The following HCN2 variants were observed in gnomAD, a reference collection of about 807,000 sequenced individuals.
HCN2 encodes the protein potassium/sodium hyperpolarization-activated cyclic nucleotide-gated channel 2.
A neutral mutation model predicts 52.3 loss-of-function variants in HCN2; 20 were observed. The observed-to-expected ratio is 0.38, with a 90% confidence interval of 0.27 to 0.56. The LOEUF is 0.56. Among genes scored for constraint, HCN2 ranks in the 20% least tolerant of loss-of-function variants. HCN2 has a pLI of 0.71. For missense variants in HCN2, 981 were observed against 1,207.7 expected (o/e 0.81, Z 2.78); for synonymous variants, 694 against 537.0 (o/e 1.29, Z -4.04).
Position 613,918 on chromosome 19 carries a change from A to T in HCN2, c.1892A>T (p.Tyr631Phe). ...SVRADTYCRL[Y>F]SLSVDNFNEV... ...CGGGCTGACACCTACTGCCGCCTCT[A>T]TTCGCTGAGCGTGGACAACTTCAAC... Residue 631 changes from tyrosine to phenylalanine, a missense_variant, in exon 7 of 8, where the codon TAT becomes TTT. Coordinates refer to ENST00000251287, the MANE Select transcript of HCN2 (RefSeq NM_001194.4). 1 of 1,581,310 alleles carries T rather than the reference A, an allele frequency of 6.3e-7. No individual in the cohort carries two copies. Among genetic ancestry groups the T allele is most frequent in the Non-Finnish European group, 8.6e-7 (1 of 1,162,916 alleles).
chr19:615,715 G>A (rs767043141), intron 7 of HCN2, 80 bp from the exon 8 acceptor site: 98 of 1,403,360 alleles, frequency 7.0e-5, no homozygotes, highest in Non-Finnish European at 9.1e-5. Context: ...GTGCGCACCC[G>A]CGGTGCAGAG....
At position 603,971 on chromosome 19, in the gene HCN2, A is replaced by T; in HGVS notation, c.1056+4A>T. On this transcript the variant is annotated splice_donor_region_variant and intron_variant, in intron 2 of 7. Coordinates refer to ENST00000251287, the MANE Select transcript of HCN2 (RefSeq NM_001194.4). Reference sequence around the variant, plus strand: ...CTACATCCATCAGTGGGAGGAGGTGAGGTGGGGCGGGGGCGGGGCCAAGGC... The same window carrying T: ...CTACATCCATCAGTGGGAGGAGGTGTGGTGGGGCGGGGGCGGGGCCAAGGC... The T allele has an allele frequency of 1.8e-4, 79 of 438,624 alleles. No homozygotes were observed. The highest frequency in any genetic ancestry group is 3.6e-4 in the East Asian group (4 of 11,098). The allele number at this position is 438,624 out of a possible 1,614,324, so 27.2% of individuals were successfully genotyped here.
In HCN2 at chr19:603,711, T is replaced by C; in HGVS notation, c.800T>C (p.Ile267Thr). 3 of 1,612,832 alleles carry C rather than the reference T, an allele frequency of 1.9e-6. No individual in the cohort carries two copies. Among genetic ancestry groups the C allele is most frequent in the Non-Finnish European group, 2.5e-6 (3 of 1,179,752 alleles). ...MDLVLNFRTG[I>T]VIEDNTEIIL... ...CTGGTGTTGAACTTCCGCACCGGCA[T>C]TGTGATCGAGGACAACACGGAGATC... The change falls in exon 2 of 8, where the codon ATT becomes ACT. Residue 267 changes from isoleucine (I) to threonine (T), a missense_variant. Around this residue, in one of 6 missense-constraint regions of HCN2, gnomAD observed 282 missense variants for 553.8 expected, o/e 0.51. Transcript: ENST00000251287.
intron 3 of HCN2, among the ~76,000 whole-genome samples, chr19:607,452 C>T (rs1983461252): frequency 6.6e-6 from 1 of 152,230 alleles, no homozygotes; most frequent in African/African-American, 2.4e-5. Context: ...GAGCCTGGCA[C>T]AGCTGCCCAG....
chr19:612,407 TGTGTGTGTGTGTGTGTGTGTGA>T lies in HCN2; in HGVS notation c.1585-839_1585-818del, dbSNP rs1471086133. 2.0e-4 allele frequency among the ~76,000 whole-genome samples: 24 copies of T among 122,142 alleles called. 2 individuals carry two copies. The South Asian group carries it at 6.7e-3, about 34-fold the overall frequency. The allele number at this position is 122,142 out of a possible 152,430, so 80.1% of individuals were successfully genotyped here. A position where few individuals can be genotyped will look rare whatever the true frequency, so the allele number is the denominator to read the frequency against. The stretch of plus-strand genomic sequence containing the variant: ...AGCTTTCCACTGGTGTGTGTGTGTG[TGTGTGTGTGTGTGTGTGTGTGA>T]GAGAGAGATGGAGTCTCGCTCTGTC... On this transcript the variant is annotated intron_variant, in intron 5 of 7. Transcript: ENST00000251287.
chr19:604,713 CA>C, intron 2 of HCN2, among the ~76,000 whole-genome samples: 1 of 60,574 alleles, frequency 1.7e-5, no homozygotes, highest in African/African-American at 7.3e-5. Flanking sequence ...TTTGCTGGGG[CA>C]GGGCCAGACA....
rs12974871 is a variant in HCN2, at chr19:605,377, A to T, written c.1218+155A>T. Among the ~76,000 whole-genome samples the T allele has an allele frequency of 0.29, 11,355 of 39,592 alleles. 694 individuals carry two copies. The highest frequency in any genetic ancestry group is 0.38 in the African/African-American group (2,339 of 6,194). 26.0% of individuals were successfully genotyped at this position (39,592 alleles called of 152,430 possible). A position where few individuals can be genotyped will look rare whatever the true frequency, so the allele number is the denominator to read the frequency against. ...TATGGAGGGGAGGACTCGGGCCCTTACAGAGGTGGGGACCCAGGCGCCCCC... is the reference window on the plus strand; with the variant it reads ...TATGGAGGGGAGGACTCGGGCCCTTTCAGAGGTGGGGACCCAGGCGCCCCC... On this transcript the variant is annotated intron_variant, in intron 3 of 7. Transcript: ENST00000251287.
chr19:606,478 G>A (rs1253300120), intron 3 of HCN2, among the ~76,000 whole-genome samples: 3 of 152,126 alleles, frequency 2.0e-5, no homozygotes, highest in Non-Finnish European at 4.4e-5. Context: ...CTGGGTCACA[G>A]AGCAAGACCT....
chr19:610,433 G>A, intron 5 of HCN2, 28 bp downstream of exon 5: 2 of 1,603,276 alleles, frequency 1.2e-6, no homozygotes, highest in Non-Finnish European at 1.7e-6. Flanking sequence ...CGGGCGGGAG[G>A]CAGCCTCCGG....
chr19:613,485 G>T lies in HCN2; in HGVS notation c.1822G>T (p.Gly608Trp). 6.2e-7 allele frequency: 1 copy of T among 1,606,782 alleles called. No individual in the cohort carries two copies. Among genetic ancestry groups the T allele is most frequent in the Non-Finnish European group, 8.5e-7 (1 of 1,176,806 alleles). ...EMKLSDGSYF[G>W]EICLLTRGRR... ...GAAGCTGTCCGATGGCTCCTACTTC[G>T]GGGGTGAGCTTGAGGGGGGCGCGCC... Residue 608 changes from glycine to tryptophan, a missense_variant, in exon 6 of 8, where the codon GGG (glycine) becomes TGG (tryptophan). Coordinates refer to ENST00000251287, the MANE Select transcript of HCN2 (RefSeq NM_001194.4).
At position 601,291 on chromosome 19, in the gene HCN2, C is replaced by T. The variant is rs920939013; in HGVS notation, c.633-2253C>T. On this transcript the variant is annotated intron_variant, in intron 1 of 7. Transcript: ENST00000251287. ...TGGTGCCACTGCACTCCAGCCTGGG[C>T]GACAGGGTGAGACTCCGTCTCGGAA... 3.3e-5 allele frequency among the ~76,000 whole-genome samples: 5 copies of T among 152,034 alleles called. No homozygotes were observed. The South Asian group carries it at 6.2e-4, about 19-fold the overall frequency.
intron 1 of HCN2, among the ~76,000 whole-genome samples, chr19:598,706 G>A (rs948844352): frequency 4.6e-5 from 7 of 151,912 alleles, no homozygotes; most frequent in African/African-American, 9.7e-5. Context: ...GGTTCATGCC[G>A]TTCTCCTGCC....
At position 590,000 on chromosome 19, in the gene HCN2, G is replaced by A. The variant is rs1322574294; in HGVS notation, c.55G>A (p.Ala19Thr). The A allele has an allele frequency of 2.0e-5, 14 of 696,524 alleles. No individual in the cohort carries two copies. The highest frequency in any genetic ancestry group is 2.4e-5 in the Non-Finnish European group (14 of 582,440). 43.1% of individuals were successfully genotyped at this position (696,524 alleles called of 1,614,324 possible). A position where few individuals can be genotyped will look rare whatever the true frequency, so the allele number is the denominator to read the frequency against. The change falls in exon 1 of 8, where the codon GCG (alanine) becomes ACG (threonine). Residue 19 changes from alanine to threonine, a missense_variant. Physicochemically the swap from Ala to Thr is moderately conservative, Grantham distance 58 (BLOSUM62 0). Around this residue, in one of 6 missense-constraint regions of HCN2, gnomAD observed 215 missense variants for 179.4 expected, o/e 1.20. Transcript: ENST00000251287. ...RPGESPGATP[A>T]PGPPPPPPPA... The stretch of plus-strand genomic sequence containing the variant: ...CGGGGAGAGCCCGGGCGCGACCCCC[G>A]CGCCGGGGCCGCCGCCGCCGCCGCC...
Position 616,727 on chromosome 19 carries a change from C to T in HCN2, c.*253C>T, listed in dbSNP as rs1983957222. 4.9e-6 allele frequency: 1 copy of T among 203,188 alleles called. No individual in the cohort carries two copies. Among genetic ancestry groups the T allele is most frequent in the Middle Eastern group, 1.8e-3 (1 of 552 alleles). 12.6% of individuals were successfully genotyped at this position (203,188 alleles called of 1,614,324 possible). A position where few individuals can be genotyped will look rare whatever the true frequency, so the allele number is the denominator to read the frequency against. On this transcript the variant is annotated 3_prime_UTR_variant, in exon 8 of 8. Coordinates refer to ENST00000251287, the MANE Select transcript of HCN2 (RefSeq NM_001194.4). The stretch of plus-strand genomic sequence containing the variant: ...CGGCGGCCTCGCGTGCGAGGGGGCT[C>T]CCTTCACCTCGGTGCCTCAGTTCCC...
chr19:606,109 T>C (rs528107111), intron 3 of HCN2, among the ~76,000 whole-genome samples: 4 of 151,606 alleles, frequency 2.6e-5, no homozygotes, highest in African/African-American at 9.7e-5. Flanking sequence ...TATTTACTTA[T>C]TTTTTTTTGA....
chr19:616,223 G>T lies in HCN2; in HGVS notation c.2419G>T (p.Ala807Ser). Residue 807 changes from alanine (A) to serine (S), a missense_variant, in exon 8 of 8, where the codon GCC becomes TCC. Physicochemically the swap from Ala to Ser is moderately conservative, Grantham distance 99. Around this residue, in one of 6 missense-constraint regions of HCN2, gnomAD observed 368 missense variants for 314.8 expected, o/e 1.17. Coordinates refer to ENST00000251287, the MANE Select transcript of HCN2 (RefSeq NM_001194.4). ...GCCCGCCGCCCCCCTTGCTGGGCCC[G>T]CCCTGCCCGCGCGCCGCCTGAGCCG... ...GLPAAPLAGPALPARRLSRAS... is the reference protein window; with the variant it reads ...GLPAAPLAGPSLPARRLSRAS... 1 of 987,216 alleles carries T rather than the reference G, an allele frequency of 1.0e-6. No homozygotes were observed. The highest frequency in any genetic ancestry group is 1.1e-4 in the East Asian group (1 of 8,762). The allele number at this position is 987,216 out of a possible 1,614,324, so 61.2% of individuals were successfully genotyped here. A position where few individuals can be genotyped will look rare whatever the true frequency, so the allele number is the denominator to read the frequency against.
chr19:590,692 G>C lies in HCN2; in HGVS notation c.632+115G>C, dbSNP rs1982843424. On this transcript the variant is annotated intron_variant, in intron 1 of 7. Coordinates refer to ENST00000251287, the MANE Select transcript of HCN2 (RefSeq NM_001194.4). The surrounding 1 kb of genome is among the most constrained non-coding windows in gnomAD (Gnocchi z 7.2). The stretch of plus-strand genomic sequence containing the variant: ...GGCGGCGCGCCGGGCCGGTGACCTC[G>C]GGGCTCCTCGGTGACCTCGGGCGTG... The C allele has an allele frequency of 1.3e-6, 1 of 784,006 alleles. No homozygotes were observed. Among genetic ancestry groups the C allele is most frequent in the African/African-American group, 1.8e-5 (1 of 54,222 alleles). 48.6% of individuals were successfully genotyped at this position (784,006 alleles called of 1,614,324 possible). A position where few individuals can be genotyped will look rare whatever the true frequency, so the allele number is the denominator to read the frequency against.
intron 3 of HCN2, among the ~76,000 whole-genome samples, chr19:607,547 G>A (rs984796650): frequency 2.6e-5 from 4 of 152,222 alleles, no homozygotes; most frequent in Admixed American, 6.5e-5. Flanking sequence ...TTTCCCGGCC[G>A]GGTCAGCTGA....
chr19:599,623 C>T (rs926380781), intron 1 of HCN2, among the ~76,000 whole-genome samples: 17 of 127,624 alleles, frequency 1.3e-4, no homozygotes, highest in Non-Finnish European at 2.9e-4. Flanking sequence ...ACTAAAAATA[C>T]AAAAAAAAAA....
Sources: gnomAD v4.1 joint callset for allele counts (sites outside exome capture counted in the v4.1 genomes callset) on GRCh38, gnomAD v4.1.1 for gene constraint, gnomAD v4.1.1 regional missense constraint, Gnocchi (gnomAD v3.1) non-coding constraint, MANE v1.5 for transcripts, NCBI Gene and HGNC (gene_info 2026-07-23, HGNC 2026-07-21) for gene names.